KTN1: variants seen among roughly 807,000 people sequenced by gnomAD.
KTN1 encodes kinectin 1.
In KTN1, 130 loss-of-function variants were observed where a neutral mutation model predicts 222.5. That is an observed-to-expected ratio of 0.58 (90% CI 0.51 to 0.68). The LOEUF (loss-of-function observed/expected upper bound fraction) is 0.68, where lower values mean the gene tolerates loss of function less well. Among genes scored for constraint, KTN1 ranks in the 30% least tolerant of loss-of-function variants. The probability of loss-of-function intolerance (pLI) is 0.00; values close to 1 mark genes in which losing one functional copy is unlikely to be tolerated. For missense variants in KTN1, 1,508 were observed against 1,500.4 expected (o/e 1.01, Z -0.08); for synonymous variants, 512 against 496.3 (o/e 1.03, Z -0.42).
chr14:55,673,492 T>C (rs1271457791), intron 40 of KTN1: 6 of 324,350 alleles, frequency 1.8e-5, no homozygotes, highest in Non-Finnish European at 2.8e-5. Context: ...CCAACTCTTT[T>C]TCAAAATTTT....
rs747359504 is a variant in KTN1, at chr14:55,658,632, T to C, written c.2961+18T>C. ...ACCAACAGGTAGGTATTATTAGATG[T>C]CTTGCCTTTCACTTACGTGGCAAAA... is the stretch of plus-strand genomic sequence containing the variant. On this transcript the variant is annotated intron_variant, in intron 30 of 43. Transcript: ENST00000395314. 1.3e-6 allele frequency: 2 copies of C among 1,546,020 alleles called. No homozygotes were observed. Among genetic ancestry groups the C allele is most frequent in the East Asian group, 2.3e-5 (1 of 43,798 alleles).
intron 1 of KTN1, among the ~76,000 whole-genome samples, chr14:55,609,086 A>G (rs1459767313): frequency 6.6e-6 from 1 of 150,550 alleles, no homozygotes; most frequent in Admixed American, 6.6e-5. Flanking sequence ...GGTTTATTAC[A>G]TAGGTATATG....
chr14:55,659,582 T>C, intron 30 of KTN1, 84 bp from the exon 31 acceptor site: 1 of 856,548 alleles, frequency 1.2e-6, no homozygotes, highest in East Asian at 2.4e-5. Context: ...TGTTGTTTTC[T>C]TAATTTATAT....
intron 31 of KTN1, among the ~76,000 whole-genome samples, chr14:55,659,927 GT>G (rs1233850520): frequency 1.3e-5 from 2 of 151,952 alleles, no homozygotes; most frequent in Non-Finnish European, 2.9e-5. Context: ...GTTTGTTTTT[GT>G]TTTTTTAGGC....
Position 55,663,939 on chromosome 14 carries a change from T to A in KTN1, c.3091-16T>A. 1.3e-6 allele frequency: 2 copies of A among 1,588,978 alleles called. No individual in the cohort carries two copies. Among genetic ancestry groups the A allele is most frequent in the African/African-American group, 1.3e-5 (1 of 74,298 alleles). Reference sequence around the variant, plus strand: ...ATAATGGATAAACTGAAATCATTCTTTCTAAAAATGATTAGGACCTTCGGG... The same window carrying A: ...ATAATGGATAAACTGAAATCATTCTATCTAAAAATGATTAGGACCTTCGGG... On this transcript the variant is annotated splice_polypyrimidine_tract_variant and intron_variant, in intron 32 of 43. Coordinates refer to ENST00000395314, the MANE Select transcript of KTN1 (RefSeq NM_001079521.2).
chr14:55,621,773 T>A (rs2039168972), intron 5 of KTN1, among the ~76,000 whole-genome samples: 1 of 152,144 alleles, frequency 6.6e-6, no homozygotes, highest in Admixed American at 6.5e-5. Context: ...TTCACTTATT[T>A]AAAATGTCAT....
chr14:55,612,731 G>C (rs983823493), intron 2 of KTN1, among the ~76,000 whole-genome samples, 160 bp downstream of exon 2: 2 of 152,040 alleles, frequency 1.3e-5, no homozygotes, highest in African/African-American at 4.8e-5. Flanking sequence ...ATTGCTGGTA[G>C]AAATTAGTAT....
intron 18 of KTN1, among the ~76,000 whole-genome samples, chr14:55,646,227 TTAC>T (rs1347727082): frequency 2.0e-5 from 3 of 152,198 alleles, no homozygotes; most frequent in Non-Finnish European, 4.4e-5. Flanking sequence ...CTTTTGCAAT[TTAC>T]AATCAGTTTT....
intron 5 of KTN1, among the ~76,000 whole-genome samples, chr14:55,621,846 CTTTTTTTT>C (rs10618434): frequency 8.0e-6 from 1 of 124,262 alleles, no homozygotes; most frequent in Non-Finnish European, 1.6e-5. Context: ...ATTTATATTA[CTTTTTTTT>C]TTTTTTTTTT....
At chr14:55,659,761 C>A in intron 31 of KTN1, 58 bp downstream of exon 31, 1 of 1,000,854 alleles carries the variant, frequency 1.0e-6, no homozygotes, top group Non-Finnish European at 1.6e-6. Context: ...ATGTGGTAAA[C>A]CATTCTCAAA....
chr14:55,629,520 A>G (rs1001940979), intron 6 of KTN1, among the ~76,000 whole-genome samples: 4 of 151,852 alleles, frequency 2.6e-5, no homozygotes, highest in African/African-American at 9.7e-5. Context: ...TGCTATAGAC[A>G]TCTTATCCCT....
At chr14:55,613,892 A>G (rs2037972779) in intron 2 of KTN1, among the ~76,000 whole-genome samples, 1 of 152,024 alleles carries the variant, frequency 6.6e-6, no homozygotes, top group Non-Finnish European at 1.5e-5. Context: ...TGTAGGAGAT[A>G]GAGAAAGTAT....
intron 43 of KTN1, chr14:55,682,630 G>A (rs1347556926): frequency 6.6e-6 from 1 of 152,104 alleles, no homozygotes; most frequent in Non-Finnish European, 1.5e-5. Context: ...CAACCACCCT[G>A]TGTGTTAGGT....
intron 8 of KTN1, among the ~76,000 whole-genome samples, chr14:55,634,094 A>G (rs1056370513): frequency 5.9e-5 from 9 of 152,014 alleles, no homozygotes; most frequent in African/African-American, 1.9e-4. Context: ...AGATTGTGCC[A>G]CTGTACTCCA....
intron 1 of KTN1, among the ~76,000 whole-genome samples, chr14:55,584,773 C>T (rs996119411): frequency 2.0e-5 from 3 of 152,076 alleles, no homozygotes; most frequent in Non-Finnish European, 4.4e-5. Flanking sequence ...TTATTGATGA[C>T]TCTTTAAGAG....
chr14:55,621,184 C>A lies in KTN1; in HGVS notation c.963+1872C>A, dbSNP rs567253341. Among the ~76,000 whole-genome samples, 29 of 152,258 alleles carry A rather than the reference C, an allele frequency of 1.9e-4. No individual in the cohort carries two copies. The Middle Eastern group carries it at 0.014, about 71-fold the overall frequency. On this transcript the variant is annotated intron_variant, in intron 5 of 43. Coordinates refer to ENST00000395314, the MANE Select transcript of KTN1 (RefSeq NM_001079521.2). ...TCATCTCCATCTGAGATGACCTCAT[C>A]CTGGATTTCATTGCTGGTATCATCA...
chr14:55,664,142 T>G lies in KTN1; in HGVS notation c.3177+101T>G, dbSNP rs776464198. 9.2e-5 allele frequency: 65 copies of G among 709,910 alleles called. 1 individual carries two copies. The highest frequency in any genetic ancestry group is 1.2e-4 in the Non-Finnish European group (51 of 423,796). 44.0% of individuals were successfully genotyped at this position (709,910 alleles called of 1,614,324 possible). On this transcript the variant is annotated intron_variant, in intron 33 of 43. Coordinates refer to ENST00000395314, the MANE Select transcript of KTN1 (RefSeq NM_001079521.2). ...ATTTACTTTTACTGCAATTTAAATA[T>G]AAAATCTCCTTATCCATATTTATCA... is the stretch of plus-strand genomic sequence containing the variant.
At chr14:55,643,589 C>A (rs1595054723) in intron 18 of KTN1, among the ~76,000 whole-genome samples, 1 of 152,296 alleles carries the variant, frequency 6.6e-6, no homozygotes, top group South Asian at 2.1e-4. Flanking sequence ...TTAGAAACTT[C>A]TGAAACTGTC....
chr14:55,586,977 C>T (rs1056234612), intron 1 of KTN1, among the ~76,000 whole-genome samples: 2 of 152,198 alleles, frequency 1.3e-5, no homozygotes, highest in African/African-American at 4.8e-5. Context: ...TGCATACCCT[C>T]CCTATTCTTT....
Sources: allele counts gnomAD v4.1 joint callset (sites outside exome capture counted in the v4.1 genomes callset), GRCh38; gene constraint gnomAD v4.1.1; transcripts MANE v1.5; gene names NCBI Gene and HGNC (gene_info 2026-07-23, HGNC 2026-07-21).